Variants in MAGI1 observed in about 807,000 individuals in gnomAD.
MAGI1 encodes the protein membrane-associated guanylate kinase, WW and PDZ domain-containing protein 1.
MAGI1 carries 58 observed loss-of-function variants against 139.9 expected under a neutral mutation model. The observed-to-expected ratio is 0.41, with a 90% CI of 0.34 to 0.52. MAGI1 has a LOEUF of 0.52. Among genes scored for constraint, MAGI1 ranks in the 20% least tolerant of loss-of-function variants. The pLI is 0.12. For missense variants in MAGI1, 1,874 were observed against 1,901.6 expected (o/e 0.99, Z 0.27); for synonymous variants, 812 against 737.9 (o/e 1.10, Z -1.63).
Position 65,439,858 on chromosome 3 carries a change from G to C in MAGI1, c.1270+21C>G, listed in dbSNP as rs752051140. 8 of 1,609,020 alleles carry C rather than the reference G, an allele frequency of 5.0e-6. No homozygotes were observed. The Admixed American group carries it at 1.3e-4, about 27-fold the overall frequency. On this transcript the variant is annotated intron_variant, in intron 9 of 22. Coordinates refer to ENST00000402939, the MANE Select transcript of MAGI1 (RefSeq NM_001033057.2). Reference sequence around the variant, plus strand: ...CCCATGCTCCCCTGATCAAGAAAAAGCCTAGAGGAAAGAGGCCAACCTTCT... The same window carrying C: ...CCCATGCTCCCCTGATCAAGAAAAACCCTAGAGGAAAGAGGCCAACCTTCT...
At chr3:65,662,414 T>G (rs1296718838) in intron 1 of MAGI1, among the ~76,000 whole-genome samples, 2 of 152,238 alleles carry the variant, frequency 1.3e-5, no homozygotes, top group African/African-American at 4.8e-5. Context: ...ACTACTTGAT[T>G]CTGCCACTTT....
chr3:65,729,538 G>C (rs995749248), intron 1 of MAGI1, among the ~76,000 whole-genome samples: 5 of 152,136 alleles, frequency 3.3e-5, no homozygotes, highest in Non-Finnish European at 7.3e-5. Flanking sequence ...CCAGCCAAAG[G>C]TTTAGAAACA....
intron 2 of MAGI1, among the ~76,000 whole-genome samples, chr3:65,521,858 T>C (rs1030764482): frequency 6.6e-6 from 1 of 152,236 alleles, no homozygotes; most frequent in Non-Finnish European, 1.5e-5. Context: ...TTTGCTATTT[T>C]AAATTATAAT....
intron 1 of MAGI1, among the ~76,000 whole-genome samples, chr3:65,968,497 T>C (rs114793882): frequency 6.6e-6 from 1 of 152,180 alleles, no homozygotes; most frequent in Non-Finnish European, 1.5e-5. Context: ...AAAATGTAGC[T>C]GTAAACGTGA....
At chr3:65,687,663 G>C in intron 1 of MAGI1, 2 of 490,016 alleles carry the variant, frequency 4.1e-6, no homozygotes, top group South Asian at 3.2e-5. Context: ...CAGCTGCCCC[G>C]CTGGTAATAC....
At chr3:65,857,916 T>G (rs933890860) in intron 1 of MAGI1, among the ~76,000 whole-genome samples, 1 of 152,130 alleles carries the variant, frequency 6.6e-6, no homozygotes, top group Non-Finnish European at 1.5e-5. Context: ...TTTAGGTGAT[T>G]AGGCAGGGAT....
intron 13 of MAGI1, among the ~76,000 whole-genome samples, chr3:65,400,715 A>C (rs533433128): frequency 1.4e-5 from 2 of 143,306 alleles, no homozygotes; most frequent in Admixed American, 7.2e-5. Context: ...ATGCATCTTC[A>C]GGGAAACCAG....
intron 1 of MAGI1, among the ~76,000 whole-genome samples, chr3:65,808,339 A>C (rs567400979): frequency 6.6e-6 from 1 of 151,866 alleles, no homozygotes; most frequent in Non-Finnish European, 1.5e-5. Flanking sequence ...TGTCTCTATT[A>C]AAAAATACAA....
At chr3:66,021,552 T>C (rs994974877) in intron 1 of MAGI1, among the ~76,000 whole-genome samples, 1 of 152,172 alleles carries the variant, frequency 6.6e-6, no homozygotes, top group Non-Finnish European at 1.5e-5. Context: ...ACTTGTTAGA[T>C]AACTGGAAGA....
chr3:65,952,751 T>C (rs905977370), intron 1 of MAGI1, among the ~76,000 whole-genome samples: 1 of 152,150 alleles, frequency 6.6e-6, no homozygotes, highest in African/African-American at 2.4e-5. Flanking sequence ...GAGGTGGAGC[T>C]TGCAGTGAGC....
chr3:65,977,381 C>T (rs746537496), intron 1 of MAGI1, among the ~76,000 whole-genome samples: 3 of 152,092 alleles, frequency 2.0e-5, no homozygotes, highest in African/African-American at 4.8e-5. Context: ...AACCAGATCA[C>T]GCCACCGCTC....
At chr3:65,813,835 A>G (rs536180248) in intron 1 of MAGI1, among the ~76,000 whole-genome samples, 5 of 152,196 alleles carry the variant, frequency 3.3e-5, no homozygotes, top group Non-Finnish European at 7.3e-5. Context: ...AACACACATA[A>G]TTAAGTCCAG....
chr3:65,753,640 G>A (rs371293711), intron 1 of MAGI1, among the ~76,000 whole-genome samples: 264 of 150,222 alleles, frequency 1.8e-3, no homozygotes, highest in Non-Finnish European at 3.1e-3. Context: ...AGAATCACTT[G>A]AGCTCGGGAG....
rs201176193 is a variant in MAGI1 at position 65,432,457 on chromosome 3, CA to C, written c.1364-1577del. Reference sequence around the variant, plus strand: ...TTTAAAAGGTCTCTGGGCATGCATACAATTTTTAATTGCATATTTTAAAAGT... The same window carrying C: ...TTTAAAAGGTCTCTGGGCATGCATACATTTTTAATTGCATATTTTAAAAGT... On this transcript the variant is annotated intron_variant, in intron 10 of 22. Coordinates refer to ENST00000402939, the MANE Select transcript of MAGI1 (RefSeq NM_001033057.2). Among the ~76,000 whole-genome samples the C allele has an allele frequency of 7.2e-3, 1,091 of 152,288 alleles. 9 individuals are homozygous for C. Among genetic ancestry groups the C allele is most frequent in the Middle Eastern group, 0.027 (8 of 294 alleles).
chr3:65,627,630 C>A (rs942735341), intron 1 of MAGI1, among the ~76,000 whole-genome samples: 1 of 150,638 alleles, frequency 6.6e-6, no homozygotes, highest in Admixed American at 6.7e-5. Flanking sequence ...GCCTCAGCCT[C>A]CCGAGCAGCT....
intron 1 of MAGI1, among the ~76,000 whole-genome samples, chr3:65,689,513 A>G (rs2088383043): frequency 6.6e-6 from 1 of 152,232 alleles, no homozygotes; most frequent in Admixed American, 6.5e-5. Context: ...TAGTTCTACA[A>G]TAATAAAATA....
At chr3:65,903,836 T>C (rs1437074849) in intron 1 of MAGI1, among the ~76,000 whole-genome samples, 1 of 151,944 alleles carries the variant, frequency 6.6e-6, no homozygotes, top group Non-Finnish European at 1.5e-5. Flanking sequence ...GGTGAAACCC[T>C]GTCTCTACTA....
At chr3:65,477,572 A>T (rs1950963371) in intron 4 of MAGI1, among the ~76,000 whole-genome samples, 1 of 152,180 alleles carries the variant, frequency 6.6e-6, no homozygotes, top group African/African-American at 2.4e-5. Context: ...TGTAGACTGA[A>T]GTTACTCCTA....
intron 2 of MAGI1, among the ~76,000 whole-genome samples, chr3:65,577,488 C>T (rs1424704111): frequency 4.6e-5 from 7 of 152,148 alleles, no homozygotes; most frequent in Non-Finnish European, 1.0e-4. Context: ...ATCCTCATTA[C>T]TGAGGTTTCT....
Sources: gnomAD v4.1 joint callset for allele counts (sites outside exome capture counted in the v4.1 genomes callset) on GRCh38, gnomAD v4.1.1 for gene constraint, MANE v1.5 for transcripts, NCBI Gene and HGNC (gene_info 2026-07-23, HGNC 2026-07-21) for gene names.